The following DYSF variants were observed in gnomAD, a reference collection of about 807,000 sequenced individuals.
DYSF encodes dysferlin.
Under a neutral mutation model 274.9 loss-of-function variants are expected in DYSF, and 212 were observed. That is an observed-to-expected ratio of 0.77 (90% CI 0.69 to 0.86). The LOEUF (loss-of-function observed/expected upper bound fraction) is 0.86, where lower values mean the gene tolerates loss of function less well. Ranked by LOEUF, DYSF falls within the 40% of genes least tolerant of loss-of-function variation. The probability of loss-of-function intolerance (pLI) is 0.00; values close to 1 mark genes in which losing one functional copy is unlikely to be tolerated. For missense variants in DYSF, 2,666 were observed against 2,783.2 expected (o/e 0.96, Z 0.95); for synonymous variants, 1,091 against 1,078.7 (o/e 1.01, Z -0.22).
At chr2:71,627,483 G>T (rs1250228921) in intron 41 of DYSF, among the ~76,000 whole-genome samples, 2 of 152,030 alleles carry the variant, frequency 1.3e-5, no homozygotes, top group African/African-American at 4.8e-5. Context: ...CTTAGAAATG[G>T]CCTGACACTT....
chr2:71,582,979 G>C (rs2092944354), intron 30 of DYSF, among the ~76,000 whole-genome samples: 2 of 143,026 alleles, frequency 1.4e-5, no homozygotes, highest in Non-Finnish European at 3.0e-5. Context: ...GGGAGGTTAA[G>C]GCTGCAGTGA....
At chr2:71,515,427 G>A (rs183395991) in intron 7 of DYSF, among the ~76,000 whole-genome samples, 196 bp from the exon 8 acceptor site, 2 of 152,102 alleles carry the variant, frequency 1.3e-5, no homozygotes, top group African/African-American at 4.8e-5. Flanking sequence ...ATGGAGCTGT[G>A]GAATTTTATA....
At chr2:71,661,694 G>T (rs1477216234) in intron 45 of DYSF, among the ~76,000 whole-genome samples, 1 of 152,194 alleles carries the variant, frequency 6.6e-6, no homozygotes, top group Non-Finnish European at 1.5e-5. Flanking sequence ...CAGAGGGAGG[G>T]TGGCAGCTAT....
chr2:71,620,681 G>C, intron 41 of DYSF, 72 bp downstream of exon 41: 18 of 1,015,236 alleles, frequency 1.8e-5, no homozygotes, highest in Admixed American at 2.2e-5. Context: ...GGTTAGGAGG[G>C]AAATGGGAGG....
chr2:71,656,179 G>A lies in DYSF; in HGVS notation c.4644G>A (p.Leu1548=), dbSNP rs750871731. Residue 1548 remains leucine (L), a synonymous_variant, in exon 43 of 56, where the codon CTG becomes CTA. Transcript: ENST00000410020. ...FDTLKVYDTQ[L]ENVEAFEGLS... ...TGTGGCAGGTCTATGACACACAGCTGGAGAATGTGGAGGCCTTTGAGGGCC... is the reference window on the plus strand; with the variant it reads ...TGTGGCAGGTCTATGACACACAGCTAGAGAATGTGGAGGCCTTTGAGGGCC... 13 of 1,614,030 alleles carry A rather than the reference G, an allele frequency of 8.1e-6. No individual in the cohort carries two copies. Among genetic ancestry groups the A allele is most frequent in the Non-Finnish European group, 1.1e-5 (13 of 1,180,046 alleles).
chr2:71,454,681 G>C (rs2080978135), intron 1 of DYSF, among the ~76,000 whole-genome samples: 1 of 152,208 alleles, frequency 6.6e-6, no homozygotes, highest in Non-Finnish European at 1.5e-5. Flanking sequence ...CCCAACCCCT[G>C]CCCCCAACGG....
chr2:71,493,719 G>A (rs943444878), intron 3 of DYSF, among the ~76,000 whole-genome samples: 7 of 152,044 alleles, frequency 4.6e-5, no homozygotes, highest in Admixed American at 1.3e-4. Context: ...AGGCATGATG[G>A]CATGCGCCTG....
At chr2:71,482,052 C>T in intron 3 of DYSF, 82 bp downstream of exon 3, 2 of 1,164,964 alleles carry the variant, frequency 1.7e-6, no homozygotes, top group South Asian at 2.5e-5. Flanking sequence ...AATCCCAGGC[C>T]CCAGGGAGCT....
Position 71,667,667 on chromosome 2 carries a change from G to A in DYSF, c.5457+152G>A. 3 of 1,265,614 alleles carry A rather than the reference G, an allele frequency of 2.4e-6. No homozygotes were observed. In the South Asian group the frequency reaches 4.3e-5, roughly 18 times the overall value. 78.4% of individuals were successfully genotyped at this position (1,265,614 alleles called of 1,614,324 possible). A position where few individuals can be genotyped will look rare whatever the true frequency, so the allele number is the denominator to read the frequency against. On this transcript the variant is annotated intron_variant, in intron 48 of 55. Coordinates refer to ENST00000410020, the MANE Select transcript of DYSF (RefSeq NM_001130987.2). ...TTCTTCACAGTCTGAGTGCGGCCAT[G>A]GTTGGCCTGGGAGGGGATCTTTAGG...
intron 12 of DYSF, among the ~76,000 whole-genome samples, chr2:71,525,432 C>T (rs868552668): frequency 5.3e-5 from 8 of 152,224 alleles, no homozygotes; most frequent in Middle Eastern, 3.4e-3. Flanking sequence ...CCCATGTTAG[C>T]GAGCTGGTCT....
intron 30 of DYSF, among the ~76,000 whole-genome samples, chr2:71,575,347 T>C (rs961616326): frequency 5.3e-5 from 8 of 152,134 alleles, no homozygotes; most frequent in African/African-American, 1.9e-4. Flanking sequence ...GAGAGGAAGC[T>C]CTCTGGGGGC....
chr2:71,464,664 C>T (rs572468574), upstream of DYSF, among the ~76,000 whole-genome samples: 5 of 151,632 alleles, frequency 3.3e-5, no homozygotes, highest in Admixed American at 6.6e-5. Flanking sequence ...AGGAGGTCAG[C>T]GAGGTCAGCC....
chr2:71,578,176 CTG>C (rs1016917237), intron 30 of DYSF, among the ~76,000 whole-genome samples: 5 of 152,172 alleles, frequency 3.3e-5, no homozygotes, highest in African/African-American at 1.2e-4. Flanking sequence ...CCGAGAATCT[CTG>C]TGTCTAACAA....
chr2:71,551,750 G>A, intron 19 of DYSF, 30 bp downstream of exon 19: 1 of 1,563,796 alleles, frequency 6.4e-7, no homozygotes, highest in Non-Finnish European at 8.7e-7. Flanking sequence ...GTGGGAGCTG[G>A]GCGTCGGGGC....
intron 20 of DYSF, 108 bp downstream of exon 20, chr2:71,553,296 CT>C (rs2091093830): frequency 6.6e-7 from 1 of 1,526,386 alleles, no homozygotes; most frequent in East Asian, 2.3e-5. Flanking sequence ...CTCAAAGGCC[CT>C]GGTCCTGGCC....
chr2:71,612,185 G>A (rs1485161289), intron 38 of DYSF, among the ~76,000 whole-genome samples: 2 of 152,248 alleles, frequency 1.3e-5, no homozygotes, highest in African/African-American at 4.8e-5. Flanking sequence ...TCTTGGCCGA[G>A]CCAAAGCCGC....
At chr2:71,622,207 A>G (rs1417311639) in intron 41 of DYSF, among the ~76,000 whole-genome samples, 1 of 123,174 alleles carries the variant, frequency 8.1e-6, no homozygotes, top group Admixed American at 9.7e-5. Context: ...TAGGCATTTT[A>G]TGGTCTTTGG....
At chr2:71,619,464 G>GCTTCAC (rs1272109192) in intron 40 of DYSF, among the ~76,000 whole-genome samples, 2 of 152,184 alleles carry the variant, frequency 1.3e-5, no homozygotes, top group African/African-American at 4.8e-5. Flanking sequence ...GCCCAGCAGG[G>GCTTCAC]CTTCACCTTC....
At chr2:71,601,823 GACAGC>G (rs2093557273) in intron 35 of DYSF, among the ~76,000 whole-genome samples, 1 of 152,168 alleles carries the variant, frequency 6.6e-6, no homozygotes, top group African/African-American at 2.4e-5. Context: ...GAATCTCCGG[GACAGC>G]ACTGCCCAGG....
Sources: allele counts gnomAD v4.1 joint callset (sites outside exome capture counted in the v4.1 genomes callset), GRCh38; gene constraint gnomAD v4.1.1; transcripts MANE v1.5; gene names NCBI Gene and HGNC (gene_info 2026-07-23, HGNC 2026-07-21).